STK10: variants seen among roughly 807,000 people sequenced by gnomAD.
STK10 encodes the protein serine/threonine-protein kinase 10.
A neutral mutation model predicts 113.8 loss-of-function variants in STK10; 78 were observed. The ratio of observed to expected loss-of-function variants is 0.69; its 90% CI spans 0.57 to 0.83. The LOEUF is 0.83. STK10 is among the 40% of genes least tolerant of loss of function. STK10 has a pLI of 0.00. For synonymous variants in STK10, 465 were observed against 494.7 expected (o/e 0.94, Z 0.80); for missense variants, 1,109 against 1,280.1 (o/e 0.87, Z 2.04).
At chr5:172,106,235 C>A (rs1419425169) in intron 6 of STK10, among the ~76,000 whole-genome samples, 4 of 151,366 alleles carry the variant, frequency 2.6e-5, no homozygotes. Context: ...ACATAGGAGA[C>A]CTTGTCTCTA....
Position 172,105,572 on chromosome 5 carries a change from G to A in STK10, c.870+84C>T, listed in dbSNP as rs1356522529. On this transcript the variant is annotated intron_variant, in intron 7 of 18. Coordinates refer to ENST00000176763, the MANE Select transcript of STK10 (RefSeq NM_005990.4). ...GTCCATGCTGTTCCCTGGGCGGGGT[G>A]AGAACATGCCCAGCGTCCAGGTCAC... 4 of 1,431,264 alleles carry A rather than the reference G, an allele frequency of 2.8e-6. No homozygotes were observed. In the Admixed American group the frequency reaches 6.8e-5, roughly 24 times the overall value. The allele number at this position is 1,431,264 out of a possible 1,614,324, so 88.7% of individuals were successfully genotyped here. A position where few individuals can be genotyped will look rare whatever the true frequency, so the allele number is the denominator to read the frequency against.
chr5:172,083,312 T>G (rs1768475262), intron 10 of STK10, among the ~76,000 whole-genome samples: 1 of 151,930 alleles, frequency 6.6e-6, no homozygotes, highest in South Asian at 2.1e-4. Context: ...AAGATTATCC[T>G]AACCAAAAAA....
chr5:172,066,687 G>A (rs1223815484), intron 12 of STK10, among the ~76,000 whole-genome samples: 1 of 152,334 alleles, frequency 6.6e-6, no homozygotes, highest in Non-Finnish European at 1.5e-5. Context: ...CCTTGGGAAG[G>A]AGGCATGAGA....
At chr5:172,146,904 T>C (rs942946512) in intron 2 of STK10, among the ~76,000 whole-genome samples, 2 of 152,166 alleles carry the variant, frequency 1.3e-5, no homozygotes, top group Non-Finnish European at 2.9e-5. Context: ...ATTCCGACAC[T>C]ATCTACCGGG....
chr5:172,096,403 A>T lies in STK10; in HGVS notation c.1005+23T>A, dbSNP rs1165211090. 5 of 1,609,146 alleles carry T rather than the reference A, an allele frequency of 3.1e-6. No individual in the cohort carries two copies. The South Asian group carries it at 5.5e-5, about 18-fold the overall frequency. Reference sequence around the variant, plus strand: ...GATCCTGTCCTCCCAGCCCCCGCTAAGCCCCACTCTCCCTGGCCTTACGGA... The same window carrying T: ...GATCCTGTCCTCCCAGCCCCCGCTATGCCCCACTCTCCCTGGCCTTACGGA... On this transcript the variant is annotated intron_variant, in intron 8 of 18. Coordinates refer to ENST00000176763, the MANE Select transcript of STK10 (RefSeq NM_005990.4).
chr5:172,156,885 G>T, intron 1 of STK10, 97 bp from the exon 2 acceptor site: 2 of 1,406,944 alleles, frequency 1.4e-6, no homozygotes, highest in South Asian at 2.7e-5. Flanking sequence ...TGAAAACAGA[G>T]GCCGGATGTC....
chr5:172,121,006 T>G lies in STK10; in HGVS notation c.371-3376A>C, dbSNP rs993177821. 2.0e-5 allele frequency among the ~76,000 whole-genome samples: 3 copies of G among 151,838 alleles called. 1 individual carries two copies. On this transcript the variant is annotated intron_variant, in intron 3 of 18. Coordinates refer to ENST00000176763, the MANE Select transcript of STK10 (RefSeq NM_005990.4). ...AAGGAGATACTCTTTAATTTTGTTTTTTGTTGTTGTTGTTGGGTTTCTTTC... is the reference window on the plus strand; with the variant it reads ...AAGGAGATACTCTTTAATTTTGTTTGTTGTTGTTGTTGTTGGGTTTCTTTC...
chr5:172,150,951 C>T (rs953236938), intron 2 of STK10, among the ~76,000 whole-genome samples: 3 of 152,188 alleles, frequency 2.0e-5, no homozygotes, highest in Non-Finnish European at 4.4e-5. Flanking sequence ...TTTGGCTGCT[C>T]GCGACAGACC....
At position 172,102,156 on chromosome 5, in the gene STK10, G is replaced by A. The variant is rs529277692; in HGVS notation, c.870+3500C>T. Among the ~76,000 whole-genome samples, 4 of 152,290 alleles carry A rather than the reference G, an allele frequency of 2.6e-5. No homozygotes were observed. In the South Asian group the frequency reaches 8.3e-4, roughly 32 times the overall value. On this transcript the variant is annotated intron_variant, in intron 7 of 18. Coordinates refer to ENST00000176763, the MANE Select transcript of STK10 (RefSeq NM_005990.4). ...AGGGCAGGGGACCAGCGAGGAGGCA[G>A]CAGCCCGAGTGAGAGGTGGTGGTGG...
rs149171420 is a variant in STK10 at position 172,055,469 on chromosome 5, C to T, written c.2526+119G>A. 747 of 1,094,748 alleles carry T rather than the reference C, an allele frequency of 6.8e-4. 4 individuals carry two copies. The African/African-American group carries it at 9.2e-3, about 13-fold the overall frequency. The allele number at this position is 1,094,748 out of a possible 1,614,324, so 67.8% of individuals were successfully genotyped here. The stretch of plus-strand genomic sequence containing the variant: ...CCTCTCAAAGTGTTGGGATTACAGA[C>T]GTGAGCCAGCCTGCATCTTGTTTCA... On this transcript the variant is annotated intron_variant, in intron 16 of 18. Transcript: ENST00000176763.
intron 2 of STK10, among the ~76,000 whole-genome samples, chr5:172,149,891 C>CA (rs1367771141): frequency 1.3e-5 from 2 of 151,340 alleles, no homozygotes; most frequent in African/African-American, 4.9e-5. Flanking sequence ...ACTAAATATA[C>CA]AAAAAATTAG....
intron 14 of STK10, among the ~76,000 whole-genome samples, chr5:172,058,005 T>C (rs77681592): frequency 0.033 from 5,090 of 152,246 alleles, 151 homozygotes; most frequent in African/African-American, 0.079. Context: ...AGATCCTCCT[T>C]GTCTCCTGCA....
At chr5:172,164,051 A>C (rs2113825631) in intron 1 of STK10, among the ~76,000 whole-genome samples, 1 of 151,994 alleles carries the variant, frequency 6.6e-6, no homozygotes, top group African/African-American at 2.4e-5. Context: ...ACCTCTACTA[A>C]AAATACAAAA....
intron 10 of STK10, among the ~76,000 whole-genome samples, chr5:172,088,133 C>G (rs924605497): frequency 6.6e-6 from 1 of 152,092 alleles, no homozygotes; most frequent in Admixed American, 6.6e-5. Flanking sequence ...TGGTCTCGAA[C>G]TCCTGGGCTC....
chr5:172,141,357 G>C (rs754065519), intron 2 of STK10, among the ~76,000 whole-genome samples: 1 of 152,062 alleles, frequency 6.6e-6, no homozygotes, highest in Non-Finnish European at 1.5e-5. Flanking sequence ...CGGGAAGATT[G>C]CTTGAGCTCA....
At position 172,162,991 on chromosome 5, in the gene STK10, G is replaced by A. The variant is rs561088008; in HGVS notation, c.157-6203C>T. On this transcript the variant is annotated intron_variant, in intron 1 of 18. Transcript: ENST00000176763. ...CCCAGCACCTCACTCAGATTCCATG[G>A]AGACCAGAACCTGCCAGACAGAGGT... 2.4e-4 allele frequency among the ~76,000 whole-genome samples: 36 copies of A among 152,300 alleles called. 1 individual carries two copies. The South Asian group carries it at 4.6e-3, about 19-fold the overall frequency.
intron 3 of STK10, among the ~76,000 whole-genome samples, chr5:172,123,836 T>C (rs1166406911): frequency 6.6e-6 from 1 of 152,096 alleles, no homozygotes; most frequent in Admixed American, 6.6e-5. Context: ...GTTGTCAAGA[T>C]GCATGCAGAA....
chr5:172,112,551 G>A (rs977401165), intron 4 of STK10, among the ~76,000 whole-genome samples: 5 of 149,438 alleles, frequency 3.3e-5, no homozygotes, highest in African/African-American at 1.2e-4. Context: ...CTCCCAAGTA[G>A]CTGGCACTAC....
intron 1 of STK10, among the ~76,000 whole-genome samples, chr5:172,160,452 G>A (rs896641536): frequency 6.6e-6 from 1 of 151,778 alleles, no homozygotes; most frequent in African/African-American, 2.4e-5. Context: ...TCCAGCCTGG[G>A]TGACAGAGTG....
Sources: gnomAD v4.1 joint callset for allele counts (sites outside exome capture counted in the v4.1 genomes callset) on GRCh38, gnomAD v4.1.1 for gene constraint, MANE v1.5 for transcripts, NCBI Gene and HGNC (gene_info 2026-07-23, HGNC 2026-07-21) for gene names.